Variants in XKR9 observed in about 807,000 individuals in gnomAD.
The protein encoded by XKR9 is XK related 9.
In XKR9, 32 loss-of-function variants were observed where a neutral mutation model predicts 32.0. That is an observed-to-expected ratio of 1.00 (90% CI 0.76 to 1.34). XKR9 has a LOEUF of 1.34. XKR9 is among the 40% of genes most tolerant of loss of function. The probability of loss-of-function intolerance (pLI) is 0.00; values close to 1 mark genes in which losing one functional copy is unlikely to be tolerated. For missense variants in XKR9, 546 were observed against 429.7 expected (o/e 1.27, Z -2.39); for synonymous variants, 168 against 143.4 (o/e 1.17, Z -1.22).
the XKR9 span, among the ~76,000 whole-genome samples, chr8:70,840,680 T>C: frequency 6.6e-6 from 1 of 152,126 alleles, no homozygotes; most frequent in Middle Eastern, 3.2e-3. Context: ...CTAAAATCCC[T>C]GAGAGGCCTG....
chr8:70,842,739 C>T, the XKR9 span, among the ~76,000 whole-genome samples: 2 of 152,194 alleles, frequency 1.3e-5, no homozygotes, highest in Non-Finnish European at 2.9e-5. Flanking sequence ...CTAACTCCAA[C>T]ATTACCTTTG....
downstream of XKR9, among the ~76,000 whole-genome samples, chr8:70,738,896 G>C (rs368192214): frequency 3.9e-5 from 6 of 152,020 alleles, no homozygotes; most frequent in African/African-American, 1.5e-4. Context: ...CCAAGTATGT[G>C]GTCAATTTTG....
the XKR9 span, among the ~76,000 whole-genome samples, chr8:70,898,944 G>A: frequency 1.3e-5 from 2 of 152,072 alleles, no homozygotes; most frequent in Admixed American, 6.6e-5. Context: ...ACAGGGTCTT[G>A]TTCTGTTGCC....
At chr8:70,849,359 A>G in the XKR9 span, among the ~76,000 whole-genome samples, 1 of 152,380 alleles carries the variant, frequency 6.6e-6, no homozygotes, top group South Asian at 2.1e-4. Flanking sequence ...CTGCTCCAGA[A>G]TGACTACTGG....
At chr8:70,867,943 AC>A in the XKR9 span, among the ~76,000 whole-genome samples, 5 of 152,234 alleles carry the variant, frequency 3.3e-5, no homozygotes, top group African/African-American at 7.2e-5. Flanking sequence ...ATTGGCCAAA[AC>A]AAAGGGGCCA....
the XKR9 span, among the ~76,000 whole-genome samples, chr8:70,804,707 T>G: frequency 3.3e-4 from 50 of 152,340 alleles, no homozygotes; most frequent in South Asian, 2.1e-3. Context: ...TCTAATATGT[T>G]TAATTGGATA....
chr8:70,739,355 G>T (rs569496351), downstream of XKR9, among the ~76,000 whole-genome samples: 24 of 152,230 alleles, frequency 1.6e-4, no homozygotes, highest in African/African-American at 5.5e-4. Context: ...TTGAGCCTAT[G>T]TGTGTCTCTG....
the XKR9 span, among the ~76,000 whole-genome samples, chr8:70,862,005 A>C: frequency 6.6e-6 from 1 of 152,130 alleles, no homozygotes; most frequent in African/African-American, 2.4e-5. Context: ...GTGGTGTGGA[A>C]GGGAACTTTT....
the XKR9 span, among the ~76,000 whole-genome samples, chr8:70,889,295 G>A: frequency 2.0e-5 from 3 of 151,594 alleles, no homozygotes; most frequent in African/African-American, 7.3e-5. Flanking sequence ...TTTTCATATG[G>A]TGATTTAGTG....
At chr8:70,772,967 T>C (rs1713301850) in intron 2 of XKR9, among the ~76,000 whole-genome samples, 2 of 152,204 alleles carry the variant, frequency 1.3e-5, no homozygotes, top group African/African-American at 4.8e-5. Flanking sequence ...GCTATGTCCA[T>C]TGGCTTGTTG....
At chr8:70,691,512 C>T (rs778041791) in intron 3 of XKR9, among the ~76,000 whole-genome samples, 132 of 152,122 alleles carry the variant, frequency 8.7e-4, no homozygotes, top group Non-Finnish European at 1.8e-3. Flanking sequence ...ATGGTATTGC[C>T]TAGGTTGTCT....
chr8:70,935,403 T>C, the XKR9 span, among the ~76,000 whole-genome samples: 5 of 151,840 alleles, frequency 3.3e-5, no homozygotes, highest in Non-Finnish European at 5.9e-5. Flanking sequence ...AATTCTTCAG[T>C]GGATAGCCTT....
chr8:70,996,726 T>C, the XKR9 span, among the ~76,000 whole-genome samples: 4 of 152,162 alleles, frequency 2.6e-5, no homozygotes. Flanking sequence ...CAGTAAACAG[T>C]AGACAAAAGG....
At chr8:70,780,726 A>AT (rs1807603607) in intron 2 of XKR9, among the ~76,000 whole-genome samples, 1 of 152,148 alleles carries the variant, frequency 6.6e-6, no homozygotes, top group Non-Finnish European at 1.5e-5. Context: ...GCAATTTATT[A>AT]TGGAAGTCCC....
the XKR9 span, among the ~76,000 whole-genome samples, chr8:70,906,275 A>G: frequency 3.7e-4 from 56 of 152,324 alleles, no homozygotes; most frequent in Non-Finnish European, 6.3e-4. Context: ...GGTGGCCTCC[A>G]CCCAGTTCCT....
chr8:70,832,995 TA>T, the XKR9 span, among the ~76,000 whole-genome samples: 4 of 152,222 alleles, frequency 2.6e-5, no homozygotes, highest in Admixed American at 2.0e-4. Context: ...AGCGAGTTAA[TA>T]AAATCCAGTC....
At chr8:70,684,665 C>A in intron 3 of XKR9, among the ~76,000 whole-genome samples, 1 of 149,972 alleles carries the variant, frequency 6.7e-6, no homozygotes. Flanking sequence ...ACAAACAACC[C>A]CATCAAAAAG....
chr8:70,875,236 A>G, the XKR9 span, among the ~76,000 whole-genome samples: 1 of 152,166 alleles, frequency 6.6e-6, no homozygotes, highest in African/African-American at 2.4e-5. Context: ...TCTCTACAAG[A>G]TCGTGGTTTA....
downstream of XKR9, among the ~76,000 whole-genome samples, chr8:70,790,862 T>C (rs558756479): frequency 4.9e-4 from 74 of 152,074 alleles, no homozygotes; most frequent in Non-Finnish European, 8.8e-4. Flanking sequence ...ATCAAGGTGC[T>C]GGCAGATTTG....
Sources: allele counts gnomAD v4.1 joint callset (sites outside exome capture counted in the v4.1 genomes callset), GRCh38; gene constraint gnomAD v4.1.1; transcripts MANE v1.5; gene names NCBI Gene and HGNC (gene_info 2026-07-23, HGNC 2026-07-21).